Variants in GUCY2C observed in about 807,000 individuals in gnomAD.
The protein encoded by GUCY2C is guanylyl cyclase C.
GUCY2C carries 118 observed loss-of-function variants against 131.1 expected under a neutral mutation model. The ratio of observed to expected loss-of-function variants is 0.90; its 90% CI spans 0.78 to 1.05. GUCY2C has a LOEUF of 1.05. Among genes scored for constraint, GUCY2C ranks in the 50% least tolerant of loss-of-function variants. The pLI is 0.00. For missense variants in GUCY2C, 1,161 were observed against 1,304.4 expected (o/e 0.89, Z 1.69); for synonymous variants, 452 against 457.8 (o/e 0.99, Z 0.16).
intron 8 of GUCY2C, among the ~76,000 whole-genome samples, chr12:14,673,932 C>T (rs1041743835): frequency 3.9e-5 from 6 of 152,220 alleles, no homozygotes; most frequent in African/African-American, 1.4e-4. Context: ...AGTCCTAATG[C>T]TGGGCACCTG....
chr12:14,650,434 G>T (rs964908552), intron 15 of GUCY2C, among the ~76,000 whole-genome samples: 6 of 152,176 alleles, frequency 3.9e-5, no homozygotes, highest in African/African-American at 1.4e-4. Flanking sequence ...TTTTAGTAGA[G>T]ATGGGGTTTC....
chr12:14,630,702 A>G (rs975700503), intron 19 of GUCY2C, among the ~76,000 whole-genome samples: 1 of 152,144 alleles, frequency 6.6e-6, no homozygotes, highest in Non-Finnish European at 1.5e-5. Context: ...CCTGGGACCA[A>G]TTCCCTATGG....
In GUCY2C at chr12:14,678,557, A is replaced by G. The variant is rs140531366; in HGVS notation, c.830+1100T>C. On this transcript the variant is annotated intron_variant, in intron 6 of 26. Transcript: ENST00000261170. ...CCTGTACTTCTGTAGTTTAGAGTCT[A>G]GTTGGTTAATTAAATTACCTTCATG... 9.9e-4 allele frequency among the ~76,000 whole-genome samples: 151 copies of G among 152,322 alleles called. 2 individuals are homozygous for G. In the East Asian group the frequency reaches 0.015, roughly 15 times the overall value.
In GUCY2C at chr12:14,643,841, A is replaced by G. The variant is rs543981632; in HGVS notation, c.1798-135T>C. On this transcript the variant is annotated intron_variant, in intron 16 of 26. Coordinates refer to ENST00000261170, the MANE Select transcript of GUCY2C (RefSeq NM_004963.4). Reference sequence around the variant, plus strand: ...ATCAGATTTTAATTTTAGTCCCACTATTTTTACCTTAACAATATTACTGAA... The same window carrying G: ...ATCAGATTTTAATTTTAGTCCCACTGTTTTTACCTTAACAATATTACTGAA... 6.9e-6 allele frequency: 5 copies of G among 728,368 alleles called. No homozygotes were observed. In the African/African-American group the frequency reaches 8.8e-5, roughly 13 times the overall value. The allele number at this position is 728,368 out of a possible 1,614,324, so 45.1% of individuals were successfully genotyped here.
rs552864042 is a variant in GUCY2C at position 14,672,905 on chromosome 12, C to T, written c.1138G>A (p.Val380Met). The T allele has an allele frequency of 6.2e-7, 1 of 1,608,250 alleles. No individual in the cohort carries two copies. The highest frequency in any genetic ancestry group is 1.7e-5 in the Admixed American group (1 of 59,998). ...DDWGDVDSTM[V>M]LLYTSVDTKK... ...GTGTCCACAGAGGTATACAGAAGCA[C>T]CATGGTACTGTCAACATCCCCCCAG... Residue 380 changes from valine to methionine, a missense_variant, in exon 9 of 27, where the codon GTG becomes ATG. By Grantham distance (21) the Val-to-Met change is conservative. Coordinates refer to ENST00000261170, the MANE Select transcript of GUCY2C (RefSeq NM_004963.4).
Position 14,639,892 on chromosome 12 carries a change from G to A in GUCY2C, c.2127C>T (p.Phe709=). The part of the protein sequence containing the change: ...NGMKPFRPDL[F]LETAEEKELE... ...GCTCTTTTTCCTCTGCTGTTTCCAA[G>A]AATAAATCTGGGCGGAAGGGTTTCA... The change falls in exon 19 of 27, where the codon TTC becomes TTT. Residue 709 remains phenylalanine, a synonymous_variant. Transcript: ENST00000261170. 6.2e-7 allele frequency: 1 copy of A among 1,609,934 alleles called. No individual in the cohort carries two copies. The highest frequency in any genetic ancestry group is 8.5e-7 in the Non-Finnish European group (1 of 1,176,162).
chr12:14,687,202 T>C (rs1948488393), intron 2 of GUCY2C, among the ~76,000 whole-genome samples: 1 of 152,192 alleles, frequency 6.6e-6, no homozygotes, highest in South Asian at 2.1e-4. Flanking sequence ...ACCTGATATA[T>C]GGTGATGACT....
chr12:14,618,247 G>A (rs150418650), intron 24 of GUCY2C, among the ~76,000 whole-genome samples: 197 of 152,322 alleles, frequency 1.3e-3, no homozygotes, highest in African/African-American at 4.4e-3. Context: ...GCTCTTGCCT[G>A]TAATTCCAAC....
In GUCY2C at chr12:14,622,186, T is replaced by C; in HGVS notation, c.2420A>G (p.Lys807Arg). Residue 807 changes from lysine to arginine, a missense_variant, in exon 22 of 27, where the codon AAG becomes AGG. Coordinates refer to ENST00000261170, the MANE Select transcript of GUCY2C (RefSeq NM_004963.4). ...CACAAAGCCTTTCTCCTTCAGAGAC[T>C]TTACCACTAGCCTAGATGAACGAAG... ...NFMLLPRLVVKSLKEKGFVEP... is the reference protein window; with the variant it reads ...NFMLLPRLVVRSLKEKGFVEP... The C allele has an allele frequency of 6.5e-7, 1 of 1,541,806 alleles. No homozygotes were observed. The highest frequency in any genetic ancestry group is 2.5e-5 in the East Asian group (1 of 40,370).
intron 15 of GUCY2C, among the ~76,000 whole-genome samples, chr12:14,645,827 TG>T (rs1947510428): frequency 1.3e-5 from 2 of 151,138 alleles, no homozygotes; most frequent in South Asian, 2.1e-4. Flanking sequence ...GAATTTTCTT[TG>T]TTTTTTTTTG....
chr12:14,620,123 G>A (rs1946861477), intron 23 of GUCY2C, among the ~76,000 whole-genome samples: 3 of 152,160 alleles, frequency 2.0e-5, no homozygotes, highest in African/African-American at 7.2e-5. Flanking sequence ...AAACCTTGAT[G>A]TTCAAGGCTG....
Position 14,614,900 on chromosome 12 carries a change from T to TCCTTGC in GUCY2C, c.3013_3014insGCAAGG (p.Lys1004_Asp1005insGlyLys). 1 of 1,586,462 alleles carries TCCTTGC rather than the reference T, an allele frequency of 6.3e-7. No individual in the cohort carries two copies. Among genetic ancestry groups the TCCTTGC allele is most frequent in the South Asian group, 1.2e-5 (1 of 86,926 alleles). On this transcript the variant is annotated inframe_insertion, in exon 26 of 27. Transcript: ENST00000261170. ...AGGGGTTGGCAGGTTGAATTTCTGG[T>TCCTTGC]CCTTCATCCCAGTCAGCCAGTAGGT...
At chr12:14,624,165 G>T (rs1296212013) in intron 21 of GUCY2C, among the ~76,000 whole-genome samples, 1 of 152,150 alleles carries the variant, frequency 6.6e-6, no homozygotes, top group Non-Finnish European at 1.5e-5. Flanking sequence ...TTCTGGCCAG[G>T]CACAGTGGCT....
rs1246126283 is a variant in GUCY2C at position 14,681,444 on chromosome 12, A to G, written c.645T>C (p.Tyr215=). Residue 215 remains tyrosine, a synonymous_variant, in exon 5 of 27, where the codon TAT becomes TAC. Transcript: ENST00000261170. The stretch of plus-strand genomic sequence containing the variant: ...CCTTAAAGCCGAGTTCGTGGGAGAA[A>G]TAGGAAACGCTAGCCTCCAGAGCAT... ...YLNALEASVS[Y]FSHELGFKVV... 22 of 1,612,020 alleles carry G rather than the reference A, an allele frequency of 1.4e-5. No individual in the cohort carries two copies. Among genetic ancestry groups the G allele is most frequent in the Non-Finnish European group, 1.7e-5 (20 of 1,178,552 alleles).
At chr12:14,686,119 C>G in intron 3 of GUCY2C, 42 bp downstream of exon 3, 2 of 1,198,136 alleles carry the variant, frequency 1.7e-6, no homozygotes, top group African/African-American at 1.5e-5. Flanking sequence ...CTTTAAGTTG[C>G]AATATCATGT....
In GUCY2C at chr12:14,645,274, G is replaced by T; in HGVS notation, c.1752C>A (p.Phe584Leu). 6.3e-7 allele frequency: 1 copy of T among 1,597,534 alleles called. No individual in the cohort carries two copies. The highest frequency in any genetic ancestry group is 8.6e-7 in the Non-Finnish European group (1 of 1,165,362). ...CAGAGATCTTAAACTCCCAATCCAT[G>T]AATGTGCCATCAGGGTAGGAAATTG... ...NDTISYPDGT[F>L]MDWEFKISVL... The change falls in exon 16 of 27, where the codon TTC becomes TTA. Residue 584 changes from phenylalanine (F) to leucine (L), a missense_variant. Phe to Leu is a conservative substitution (Grantham distance 22). Transcript: ENST00000261170.
rs764501399 is a variant in GUCY2C at position 14,641,095 on chromosome 12, A to T, written c.2055T>A (p.Cys685Ter). Residue 685 changes from cysteine to a stop codon, truncating the protein, a stop_gained, in exon 18 of 27, where the codon TGT (cysteine) becomes TGA (stop). Coordinates refer to ENST00000261170, the MANE Select transcript of GUCY2C (RefSeq NM_004963.4). LOFTEE classifies it high-confidence loss of function. ...GTTTAGATGTACCATTCCGGTCCCG[A>T]CAGCTCAAAGTGTAGAAGGTTTCTT... is the stretch of plus-strand genomic sequence containing the variant. Reference protein sequence around the residue: ...LRKETFYTLSCRDRNEKIFRV... With the variant: ...LRKETFYTLS The T allele has an allele frequency of 6.2e-7, 1 of 1,613,590 alleles. No individual in the cohort carries two copies. The highest frequency in any genetic ancestry group is 8.5e-7 in the Non-Finnish European group (1 of 1,179,888).
chr12:14,681,478 C>T lies in GUCY2C; in HGVS notation c.612-1G>A, dbSNP rs763904634. The T allele has an allele frequency of 3.9e-5, 59 of 1,495,692 alleles. No homozygotes were observed. Among genetic ancestry groups the T allele is most frequent in the Middle Eastern group, 3.4e-4 (2 of 5,828 alleles). The allele number at this position is 1,495,692 out of a possible 1,614,324, so 92.7% of individuals were successfully genotyped here. On this transcript the variant is annotated splice_acceptor_variant, in intron 4 of 26. Coordinates refer to ENST00000261170, the MANE Select transcript of GUCY2C (RefSeq NM_004963.4). LOFTEE classifies it high-confidence loss of function. ...GCTAGCCTCCAGAGCATTAAGGTAC[C>T]TGGAATAGGAAAAAGAGAAACTAAA...
chr12:14,648,374 G>T (rs1592110011), intron 15 of GUCY2C, among the ~76,000 whole-genome samples: 1 of 152,142 alleles, frequency 6.6e-6, no homozygotes, highest in African/African-American at 2.4e-5. Flanking sequence ...AAAAGGCCAT[G>T]AAAAAGAGGG....
Sources: allele counts gnomAD v4.1 joint callset (sites outside exome capture counted in the v4.1 genomes callset), GRCh38; gene constraint gnomAD v4.1.1; transcripts MANE v1.5; gene names NCBI Gene and HGNC (gene_info 2026-07-23, HGNC 2026-07-21).